Variants in HPSE observed in about 807,000 individuals in gnomAD.
HPSE encodes the protein endo-glucoronidase.
Under a neutral mutation model 65.1 loss-of-function variants are expected in HPSE, and 48 were observed. The observed-to-expected ratio is 0.74, with a 90% confidence interval of 0.58 to 0.94. HPSE has a LOEUF of 0.94. Ranked by LOEUF, HPSE falls within the 40% of genes least tolerant of loss-of-function variation. The pLI, the probability that HPSE is intolerant of heterozygous loss-of-function variation, is 0.00. For synonymous variants in HPSE, 243 were observed against 260.0 expected (o/e 0.93, Z 0.63); for missense variants, 644 against 637.5 (o/e 1.01, Z -0.11).
intron 1 of HPSE, 38 bp downstream of exon 1, chr4:83,334,518 G>A (rs763199803): frequency 6.5e-7 from 1 of 1,540,162 alleles, no homozygotes; most frequent in Non-Finnish European, 8.8e-7. Context: ...GTGTCAGGAG[G>A]ACAGGAAAGG....
At position 83,313,141 on chromosome 4, in the gene HPSE, AC is replaced by A; in HGVS notation, c.645del (p.Tyr216IlefsTer7). On this transcript the variant is annotated frameshift_variant, in exon 4 of 12. Coordinates refer to ENST00000311412, the MANE Select transcript of HPSE (RefSeq NM_001098540.3). LOFTEE classifies it high-confidence loss of function. ...TTGCCTAGTTCCCAAGAAATGTTAT[AC>A]CCCTTGGAAGAGCAGTAGTCCAGGA... is the stretch of plus-strand genomic sequence containing the variant. ...QLLLDYCSSK[G>X]YNISWELGNE... 2 of 1,613,652 alleles carry A rather than the reference AC, an allele frequency of 1.2e-6. No individual in the cohort carries two copies. The highest frequency in any genetic ancestry group is 2.2e-5 in the South Asian group (2 of 91,052).
chr4:83,302,077 A>G (rs931301593), intron 10 of HPSE, 73 bp downstream of exon 10: 3 of 892,052 alleles, frequency 3.4e-6, no homozygotes, highest in Non-Finnish European at 5.6e-6. Context: ...CACATGCAAC[A>G]GGGTGTTTGA....
At chr4:83,330,355 C>G (rs923685586) in intron 1 of HPSE, among the ~76,000 whole-genome samples, 4 of 152,192 alleles carry the variant, frequency 2.6e-5, no homozygotes, top group Non-Finnish European at 5.9e-5. Context: ...GGCTCCAGGG[C>G]ACAGTGGACA....
intron 4 of HPSE, among the ~76,000 whole-genome samples, chr4:83,312,455 A>G (rs1230143357): frequency 1.3e-5 from 2 of 152,004 alleles, no homozygotes; most frequent in African/African-American, 2.4e-5. Context: ...AGGCGGGCAG[A>G]TCATGGGGTC....
In HPSE at chr4:83,312,388, A is replaced by G. The variant is rs147209298; in HGVS notation, c.673+726T>C. On this transcript the variant is annotated intron_variant, in intron 4 of 11. Coordinates refer to ENST00000311412, the MANE Select transcript of HPSE (RefSeq NM_001098540.3). ...AGAAGTATATTTGCTAATAATAAAA[A>G]GAGTGTTGGCCGGGCGCAGTGGCTC... 1.9e-3 allele frequency among the ~76,000 whole-genome samples: 288 copies of G among 152,354 alleles called. 2 individuals carry two copies. The highest frequency in any genetic ancestry group is 6.6e-3 in the African/African-American group (274 of 41,576).
At chr4:83,331,414 T>C (rs746203321) in intron 1 of HPSE, among the ~76,000 whole-genome samples, 1 of 152,212 alleles carries the variant, frequency 6.6e-6, no homozygotes, top group Non-Finnish European at 1.5e-5. Flanking sequence ...CTTTTTAATA[T>C]GGCTACTAGA....
chr4:83,306,217 A>C lies in HPSE; in HGVS notation c.1192T>G (p.Phe398Val). Residue 398 changes from phenylalanine to valine, a missense_variant, in exon 9 of 12, where the codon TTC becomes GTC. By Grantham distance (50) the Phe-to-Val change is conservative (BLOSUM62 -1). Transcript: ENST00000311412. ...TGGTCACTTACAGGTAAAGGATCGAAGTTTTCATCCACTAAATGGTAGTTT... is the reference window on the plus strand; with the variant it reads ...TGGTCACTTACAGGTAAAGGATCGACGTTTTCATCCACTAAATGGTAGTTT... ...AGNYHLVDEN[F>V]DPLPDYWLSL... 12 of 1,600,028 alleles carry C rather than the reference A, an allele frequency of 7.5e-6. No homozygotes were observed. The highest frequency in any genetic ancestry group is 1.0e-5 in the Non-Finnish European group (12 of 1,167,174).
At position 83,295,079 on chromosome 4, in the gene HPSE, A is replaced by G. The variant is rs984578635; in HGVS notation, c.*265T>C. 2 of 189,242 alleles carry G rather than the reference A, an allele frequency of 1.1e-5. No individual in the cohort carries two copies. Among genetic ancestry groups the G allele is most frequent in the African/African-American group, 4.7e-5 (2 of 42,920 alleles). 11.7% of individuals were successfully genotyped at this position (189,242 alleles called of 1,614,324 possible). The stretch of plus-strand genomic sequence containing the variant: ...CAAAATAAATAAATAAATAAATAAT[A>G]AAACAAAACAAAACTTTAGATAAAA... On this transcript the variant is annotated 3_prime_UTR_variant, in exon 12 of 12. Transcript: ENST00000311412.
intron 8 of HPSE, 103 bp from the exon 9 acceptor site, chr4:83,306,420 T>G (rs1736151787): frequency 1.7e-6 from 1 of 587,098 alleles, no homozygotes; most frequent in South Asian, 2.3e-5. Context: ...TTTATTTACT[T>G]ATTTATTTAT....
intron 11 of HPSE, among the ~76,000 whole-genome samples, chr4:83,299,363 CAAAAAAAAAA>C (rs757562812): frequency 4.4e-5 from 4 of 90,998 alleles, no homozygotes; most frequent in East Asian, 3.0e-4. Flanking sequence ...GACTCTGTCT[CAAAAAAAAAA>C]AAAAAAAAAA....
rs752051171 is a variant in HPSE, at chr4:83,310,054, C to A, written c.867G>T (p.Val289=). The part of the protein sequence containing the change: ...LKSFLKAGGE[V]IDSVTWHHYY... Reference sequence around the variant, plus strand: ...ACTGATGCCATGTAACTGAATCAATCACTTCTCCACCAGCCTTCAGGAAGC... The same window carrying A: ...ACTGATGCCATGTAACTGAATCAATAACTTCTCCACCAGCCTTCAGGAAGC... The change falls in exon 6 of 12, where the codon GTG becomes GTT. Residue 289 remains valine, a synonymous_variant. Coordinates refer to ENST00000311412, the MANE Select transcript of HPSE (RefSeq NM_001098540.3). 1.2e-6 allele frequency: 2 copies of A among 1,610,846 alleles called. No individual in the cohort carries two copies. The highest frequency in any genetic ancestry group is 8.5e-7 in the Non-Finnish European group (1 of 1,177,912).
chr4:83,322,260 G>A lies in HPSE; in HGVS notation c.332C>T (p.Thr111Ile), dbSNP rs368442272. The A allele has an allele frequency of 2.5e-6, 4 of 1,613,776 alleles. No homozygotes were observed. In the African/African-American group the frequency reaches 4.0e-5, roughly 16 times the overall value. The part of the protein sequence containing the change: ...FLIFDPKKES[T>I]FEERSYWQSQ... ...TTGCCAGTAACTTCTCTCTTCAAAGGTTGATTCCTTCTTGGGATCGAAAAT... is the reference window on the plus strand; with the variant it reads ...TTGCCAGTAACTTCTCTCTTCAAAGATTGATTCCTTCTTGGGATCGAAAAT... The change falls in exon 2 of 12, where the codon ACC becomes ATC. Residue 111 changes from threonine (T) to isoleucine (I), a missense_variant. Coordinates refer to ENST00000311412, the MANE Select transcript of HPSE (RefSeq NM_001098540.3).
intron 9 of HPSE, among the ~76,000 whole-genome samples, chr4:83,304,081 G>A (rs1429936254): frequency 2.6e-5 from 4 of 152,078 alleles, no homozygotes; most frequent in Non-Finnish European, 5.9e-5. Flanking sequence ...AAAATACCAG[G>A]GAACAAGTAA....
Position 83,315,948 on chromosome 4 carries a change from C to G in HPSE, c.500-2661G>C, listed in dbSNP as rs148847168. Among the ~76,000 whole-genome samples the G allele has an allele frequency of 1.2e-3, 190 of 152,310 alleles. 1 individual carries two copies. Among genetic ancestry groups the G allele is most frequent in the African/African-American group, 3.9e-3 (164 of 41,572 alleles). On this transcript the variant is annotated intron_variant, in intron 3 of 11. Coordinates refer to ENST00000311412, the MANE Select transcript of HPSE (RefSeq NM_001098540.3). ...TAGCTCGAAATTCTATTATACACCC[C>G]CTATAACATAATCAACTGTAACATC... is the stretch of plus-strand genomic sequence containing the variant.
chr4:83,328,751 CTTG>C, intron 1 of HPSE, among the ~76,000 whole-genome samples: 3 of 1,268 alleles, frequency 2.4e-3, no homozygotes, highest in Non-Finnish European at 5.1e-3. Flanking sequence ...ATGGGAAAGG[CTTG>C]GGGAAAGGCT....
At chr4:83,315,143 ACT>A in intron 3 of HPSE, among the ~76,000 whole-genome samples, 1 of 93,970 alleles carries the variant, frequency 1.1e-5, no homozygotes, top group East Asian at 3.4e-4. Context: ...ACAGAGCAAG[ACT>A]CTGTCTCAAA....
chr4:83,301,176 T>C, intron 10 of HPSE, 70 bp from the exon 11 acceptor site: 2 of 1,003,356 alleles, frequency 2.0e-6, no homozygotes, highest in East Asian at 2.5e-5. Flanking sequence ...CAATTACAAA[T>C]GTGATCCTAA....
upstream of HPSE, chr4:83,334,959 A>C: frequency 5.0e-6 from 5 of 992,382 alleles, no homozygotes; most frequent in Non-Finnish European, 6.9e-6. Flanking sequence ...CATCCCTCCC[A>C]CTGCTCCCAA....
chr4:83,302,064 A>G, intron 10 of HPSE, 86 bp downstream of exon 10: 1 of 788,704 alleles, frequency 1.3e-6, no homozygotes, highest in Non-Finnish European at 2.2e-6. Context: ...TGCAATGTAT[A>G]GACACATGCA....
Sources: gnomAD v4.1 joint callset for allele counts (sites outside exome capture counted in the v4.1 genomes callset) on GRCh38, gnomAD v4.1.1 for gene constraint, MANE v1.5 for transcripts, NCBI Gene and HGNC (gene_info 2026-07-23, HGNC 2026-07-21) for gene names.